The following TMEM232 variants were observed in gnomAD, a reference collection of about 807,000 sequenced individuals.
TMEM232 encodes the protein transmembrane protein 232.
TMEM232 carries 80 observed loss-of-function variants against 78.8 expected under a neutral mutation model. The ratio of observed to expected loss-of-function variants is 1.01; its 90% confidence interval spans 0.85 to 1.22. The LOEUF is 1.22. Ranked by LOEUF, TMEM232 falls within the 50% of genes most tolerant of loss-of-function variation. TMEM232 has a pLI of 0.00. For synonymous variants in TMEM232, 297 were observed against 254.3 expected (o/e 1.17, Z -1.60); for missense variants, 881 against 742.2 (o/e 1.19, Z -2.17).
At chr5:110,468,543 A>C (rs1762336503) in intron 12 of TMEM232, among the ~76,000 whole-genome samples, 1 of 152,120 alleles carries the variant, frequency 6.6e-6, no homozygotes, top group Non-Finnish European at 1.5e-5. Flanking sequence ...TCTTATAAAC[A>C]GGGATGTGAT....
At chr5:110,701,291 A>C (rs1795417374) in intron 1 of TMEM232, among the ~76,000 whole-genome samples, 1 of 152,028 alleles carries the variant, frequency 6.6e-6, no homozygotes, top group Non-Finnish European at 1.5e-5. Flanking sequence ...AAGGAATTTT[A>C]GTGGCCAATA....
At chr5:110,421,350 G>A (rs976510089) in intron 13 of TMEM232, among the ~76,000 whole-genome samples, 3 of 151,488 alleles carry the variant, frequency 2.0e-5, no homozygotes, top group African/African-American at 7.3e-5. Flanking sequence ...TAGTATATTG[G>A]AAGGCAAGAG....
chr5:110,661,122 T>C (rs1789730170), intron 2 of TMEM232, among the ~76,000 whole-genome samples: 1 of 152,218 alleles, frequency 6.6e-6, no homozygotes, highest in Non-Finnish European at 1.5e-5. Context: ...TTACTTAACA[T>C]AATGTCTTCC....
upstream of TMEM232, among the ~76,000 whole-genome samples, chr5:110,729,642 C>A (rs934135895): frequency 6.6e-6 from 1 of 152,196 alleles, no homozygotes; most frequent in Non-Finnish European, 1.5e-5. Context: ...GAATTTTTAG[C>A]AGATAATATC....
chr5:110,506,525 G>C (rs1243711391), intron 12 of TMEM232, among the ~76,000 whole-genome samples: 1 of 152,072 alleles, frequency 6.6e-6, no homozygotes, highest in Non-Finnish European at 1.5e-5. Context: ...AGCCAAATAG[G>C]ATCATTCAAA....
rs552352040 is a variant in TMEM232 at position 110,530,219 on chromosome 5, TTAAAG to T, written c.1456-1389_1456-1385del. Among the ~76,000 whole-genome samples the T allele has an allele frequency of 3.5e-3, 535 of 152,212 alleles. 4 individuals carry two copies. The highest frequency in any genetic ancestry group is 0.012 in the African/African-American group (494 of 41,528). ...AGGATATAGACTGAACGAAAAACAG[TTAAAG>T]TAATGAGAAAAATAGCAAAAGGCAG... On this transcript the variant is annotated intron_variant, in intron 11 of 13. Transcript: ENST00000455884.
chr5:110,684,127 G>A (rs964799784), intron 1 of TMEM232, among the ~76,000 whole-genome samples: 23 of 151,856 alleles, frequency 1.5e-4, no homozygotes, highest in Non-Finnish European at 4.4e-5. Context: ...TAAATCATTG[G>A]AAGCTTTATC....
At chr5:110,391,347 G>GAGAGAGAGAGA (rs752486137) in intron 3 of TMEM232, among the ~76,000 whole-genome samples, 1 of 150,494 alleles carries the variant, frequency 6.6e-6, no homozygotes, top group African/African-American at 2.5e-5. Flanking sequence ...GAGAGAGAGA[G>GAGAGAGAGAGA]AAACCTCTGT....
chr5:110,557,520 G>A (rs1305578849), intron 11 of TMEM232, among the ~76,000 whole-genome samples: 1 of 152,148 alleles, frequency 6.6e-6, no homozygotes, highest in Non-Finnish European at 1.5e-5. Flanking sequence ...AGGTTCAATG[G>A]GCTCATGGTT....
intron 2 of TMEM232, among the ~76,000 whole-genome samples, chr5:110,733,780 T>C (rs368936574): frequency 9.2e-5 from 14 of 152,316 alleles, no homozygotes; most frequent in African/African-American, 3.4e-4. Flanking sequence ...AACAAACCCC[T>C]GTGACATAAA....
At chr5:110,692,498 G>A (rs1225055077) in intron 1 of TMEM232, among the ~76,000 whole-genome samples, 7 of 152,190 alleles carry the variant, frequency 4.6e-5, no homozygotes, top group African/African-American at 7.2e-5. Context: ...GAAGCAGGGC[G>A]AGACATCGCC....
At chr5:110,530,781 G>A (rs890432531) in intron 11 of TMEM232, among the ~76,000 whole-genome samples, 3 of 152,098 alleles carry the variant, frequency 2.0e-5, no homozygotes, top group Non-Finnish European at 4.4e-5. Context: ...AAATTCAAGA[G>A]CTCTAATGTA....
chr5:110,582,383 T>C (rs1778307245), intron 10 of TMEM232, among the ~76,000 whole-genome samples: 1 of 151,820 alleles, frequency 6.6e-6, no homozygotes, highest in Non-Finnish European at 1.5e-5. Context: ...CTGAAAACCA[T>C]TATCCCAAGC....
intron 2 of TMEM232, among the ~76,000 whole-genome samples, chr5:110,655,722 A>T (rs1012799564): frequency 4.6e-5 from 7 of 151,874 alleles, no homozygotes; most frequent in Non-Finnish European, 7.4e-5. Flanking sequence ...AATACTATGC[A>T]GCCATAAAAA....
intron 1 of TMEM232, among the ~76,000 whole-genome samples, chr5:110,709,507 CA>C (rs943371322): frequency 2.0e-5 from 3 of 151,350 alleles, no homozygotes; most frequent in Non-Finnish European, 3.0e-5. Flanking sequence ...CCAAAAAATT[CA>C]AAAAAAATGA....
chr5:110,719,234 TAC>T lies in TMEM232; in HGVS notation c.-13+7391_-13+7392del, dbSNP rs557392435. ...GTATATATGTATATATGTGTATATA[TAC>T]ACACACAGTCATGTGCTGCATATAT... On this transcript the variant is annotated intron_variant, in intron 1 of 13. Transcript: ENST00000455884. 1.9e-3 allele frequency among the ~76,000 whole-genome samples: 290 copies of T among 152,020 alleles called. 2 individuals carry two copies. The highest frequency in any genetic ancestry group is 6.4e-3 in the African/African-American group (265 of 41,454).
chr5:110,697,506 C>T (rs952412397), intron 1 of TMEM232, among the ~76,000 whole-genome samples: 1 of 152,252 alleles, frequency 6.6e-6, no homozygotes, highest in Middle Eastern at 3.4e-3. Flanking sequence ...TCAGAGTGAA[C>T]AGGCAACCTA....
At chr5:110,592,035 A>G (rs899888893) in intron 10 of TMEM232, among the ~76,000 whole-genome samples, 6 of 152,136 alleles carry the variant, frequency 3.9e-5, no homozygotes, top group African/African-American at 1.4e-4. Context: ...CATTTTCTCT[A>G]TGTGGAAAAA....
intron 10 of TMEM232, among the ~76,000 whole-genome samples, chr5:110,580,207 A>T (rs1234164154): frequency 6.6e-6 from 1 of 151,798 alleles, no homozygotes; most frequent in Non-Finnish European, 1.5e-5. Context: ...CAGACTGCAT[A>T]TATGACAGTT....
Sources: gnomAD v4.1 joint callset for allele counts (sites outside exome capture counted in the v4.1 genomes callset) on GRCh38, gnomAD v4.1.1 for gene constraint, MANE v1.5 for transcripts, NCBI Gene and HGNC (gene_info 2026-07-23, HGNC 2026-07-21) for gene names.